CEP72: variants seen among roughly 807,000 people sequenced by gnomAD.
CEP72 encodes centrosomal protein 72, also known as centrosomal protein of 72 kDa.
Under a neutral mutation model 65.7 loss-of-function variants are expected in CEP72, and 78 were observed. The ratio of observed to expected loss-of-function variants is 1.19; its 90% CI spans 0.99 to 1.43. CEP72 has a LOEUF of 1.43. CEP72 is among the 40% of genes most tolerant of loss of function. The pLI, the probability that CEP72 is intolerant of heterozygous loss-of-function variation, is 0.00. For synonymous variants in CEP72, 358 were observed against 351.7 expected (o/e 1.02, Z -0.20); for missense variants, 914 against 832.9 (o/e 1.10, Z -1.20).
chr5:665,475 T>C, intron 3 of CEP72: 1 of 660,102 alleles, frequency 1.5e-6, no homozygotes, highest in Non-Finnish European at 2.5e-6. Context: ...TGGGGCAGCC[T>C]TGGGCCTGCG....
chr5:653,356 C>G lies in CEP72; in HGVS notation c.*203C>G. ...AAATGATATGATTACTCCAAGCCCT[C>G]TGCATGTTTTCAGACAGAACACATT... is the stretch of plus-strand genomic sequence containing the variant. On this transcript the variant is annotated 3_prime_UTR_variant, in exon 12 of 12. Coordinates refer to ENST00000264935, the MANE Select transcript of CEP72 (RefSeq NM_018140.4). The G allele has an allele frequency of 2.2e-6, 1 of 461,680 alleles. No homozygotes were observed. The allele number at this position is 461,680 out of a possible 1,614,324, so 28.6% of individuals were successfully genotyped here.
At position 664,781 on chromosome 5, in the gene CEP72, T is replaced by C. The variant is rs944036841; in HGVS notation, n.288-399T>C. 1.7e-5 allele frequency: 5 copies of C among 287,568 alleles called. No individual in the cohort carries two copies. In the Admixed American group the frequency reaches 2.4e-4, roughly 14 times the overall value. The allele number at this position is 287,568 out of a possible 1,614,324, so 17.8% of individuals were successfully genotyped here. A position where few individuals can be genotyped will look rare whatever the true frequency, so the allele number is the denominator to read the frequency against. ...GCCTCCTGTTGCCATGACAGCCAGC[T>C]GCTTTAAAACGCCCCTTTGACCTGC... On this transcript the variant is annotated intron_variant and non_coding_transcript_variant, in intron 2 of 4. Transcript: ENST00000514507.
At chr5:667,668 G>C (rs1463054783), downstream of CEP72, among the ~76,000 whole-genome samples, 5 of 152,162 alleles carry the variant, frequency 3.3e-5, no homozygotes, top group South Asian at 2.1e-4. Context: ...ACTTGTCTCT[G>C]AGATACACAA....
chr5:621,891 A>C (rs1470238976), intron 3 of CEP72, among the ~76,000 whole-genome samples: 1 of 152,204 alleles, frequency 6.6e-6, no homozygotes, highest in African/African-American at 2.4e-5. Context: ...CTCCTGCCGC[A>C]GCCTCCCAAG....
chr5:619,261 G>A (rs761610683), intron 2 of CEP72, 144 bp downstream of exon 2: 29 of 713,364 alleles, frequency 4.1e-5, no homozygotes, highest in Admixed American at 1.4e-4. Flanking sequence ...TGTGTTTACC[G>A]TGGGCTACAT....
rs1283484612 is a variant in CEP72, at chr5:624,560, G to T, written c.493G>T (p.Ala165Ser). 6.2e-7 allele frequency: 1 copy of T among 1,612,124 alleles called. No homozygotes were observed. The highest frequency in any genetic ancestry group is 8.5e-7 in the Non-Finnish European group (1 of 1,178,252). ...ACTCGACTCCAAAGAGAGCGTCCCA[G>T]CTTCTTTGAAAGAGGGCAGGTATGA... Reference protein sequence around the residue: ...DSLDSKESVPASLKEGRPHHP... With the variant: ...DSLDSKESVPSSLKEGRPHHP... Residue 165 changes from alanine to serine, a missense_variant, in exon 4 of 12, where the codon GCT becomes TCT. Ala to Ser is a moderately conservative substitution (Grantham distance 99, BLOSUM62 1). Coordinates refer to ENST00000264935, the MANE Select transcript of CEP72 (RefSeq NM_018140.4). This position sits in a 1 kb window ranked among gnomAD's most constrained non-coding sequence, Gnocchi z 4.7.
At chr5:667,572 C>A (rs554081619), downstream of CEP72, among the ~76,000 whole-genome samples, 1 of 151,800 alleles carries the variant, frequency 6.6e-6, no homozygotes, top group East Asian at 1.9e-4. Context: ...TAGACTTCAT[C>A]AAAACGTTCG....
intron 4 of CEP72, among the ~76,000 whole-genome samples, chr5:666,558 G>A (rs1739923786): frequency 6.6e-6 from 1 of 152,202 alleles, no homozygotes; most frequent in South Asian, 2.1e-4. Flanking sequence ...ATGGTTAGGA[G>A]GGGCTGCCGC....
intron 4 of CEP72, 94 bp from the exon 5 acceptor site, chr5:633,673 TCA>T: frequency 8.2e-7 from 1 of 1,221,498 alleles, no homozygotes; most frequent in Non-Finnish European, 1.2e-6. Flanking sequence ...GCTGCTTCTC[TCA>T]GAGACCGTGC....
chr5:620,131 G>T lies in CEP72; in HGVS notation c.273G>T (p.Leu91Phe). Residue 91 changes from leucine to phenylalanine, a missense_variant, in exon 3 of 12, where the codon TTG becomes TTT. Leu to Phe is a conservative substitution (Grantham distance 22). Transcript: ENST00000264935. ...TCTACTACAACTGCATCTCCTCGTTGGCAGAAGTGTTTCGGCTCCACGCCT... is the reference window on the plus strand; with the variant it reads ...TCTACTACAACTGCATCTCCTCGTTTGCAGAAGTGTTTCGGCTCCACGCCT... ...LNLYYNCISS[L>F]AEVFRLHALT... The T allele has an allele frequency of 6.2e-7, 1 of 1,614,172 alleles. No homozygotes were observed. The highest frequency in any genetic ancestry group is 2.2e-5 in the East Asian group (1 of 44,880).
chr5:612,626 AGGTGCGGCC>A, intron 1 of CEP72, 183 bp downstream of exon 1: 1 of 985,310 alleles, frequency 1.0e-6, no homozygotes, highest in Non-Finnish European at 1.2e-6. Flanking sequence ...CCCCGTGCCC[AGGTGCGGCC>A]CCTGCCCGCG....
At chr5:639,283 T>C in intron 8 of CEP72, 59 bp downstream of exon 8, 1 of 1,508,668 alleles carries the variant, frequency 6.6e-7, no homozygotes. Context: ...GGTTCCGGGG[T>C]CCTCTGCGTG....
rs1246530801 is a variant in CEP72, at chr5:623,047, A to C, written c.404-1424A>C. Among the ~76,000 whole-genome samples the C allele has an allele frequency of 6.6e-6, 1 of 152,038 alleles. No individual in the cohort carries two copies. The highest frequency in any genetic ancestry group is 2.4e-5 in the African/African-American group (1 of 41,358). On this transcript the variant is annotated intron_variant, in intron 3 of 11. Transcript: ENST00000264935. The surrounding 1 kb of genome is among the most constrained non-coding windows in gnomAD (Gnocchi z 5.3). ...CTCCCCTCTTAGTGTTTCTGTAGAG[A>C]AGGAGCGCGGCCGTCTCCCTCTTAG...
Position 624,596 on chromosome 5 carries a change from T to C in CEP72, c.512+17T>C. ...AGAGGGCAGGTATGAACGGAAGTGC[T>C]ACGGACACCCAGAGTGTTTCTGACT... On this transcript the variant is annotated intron_variant, in intron 4 of 11. Transcript: ENST00000264935. The surrounding 1 kb of genome is among the most constrained non-coding windows in gnomAD (Gnocchi z 4.7). 1 of 1,531,914 alleles carries C rather than the reference T, an allele frequency of 6.5e-7. No homozygotes were observed. The highest frequency in any genetic ancestry group is 9.0e-7 in the Non-Finnish European group (1 of 1,105,032). The allele number at this position is 1,531,914 out of a possible 1,614,324, so 94.9% of individuals were successfully genotyped here.
chr5:659,514 A>AT (rs1010941568), downstream of CEP72, among the ~76,000 whole-genome samples: 6 of 152,182 alleles, frequency 3.9e-5, 1 homozygote, highest in South Asian at 4.1e-4. Context: ...TCAGGTTGGC[A>AT]TTTTTTTTAT....
downstream of CEP72, among the ~76,000 whole-genome samples, chr5:671,805 A>G (rs1740232887): frequency 6.6e-6 from 1 of 152,184 alleles, no homozygotes; most frequent in African/African-American, 2.4e-5. Context: ...AGGGCTCCAG[A>G]GCCGCCGAGT....
Position 622,181 on chromosome 5 carries a change from GTAGGT to G in CEP72, c.403+1924_403+1928del, listed in dbSNP as rs534536059. Among the ~76,000 whole-genome samples, 143 of 152,378 alleles carry G rather than the reference GTAGGT, an allele frequency of 9.4e-4. 1 individual carries two copies. Among genetic ancestry groups the G allele is most frequent in the Middle Eastern group, 3.4e-3 (1 of 294 alleles). The stretch of plus-strand genomic sequence containing the variant: ...CACACACCCTCTGTTTGGTGACAGT[GTAGGT>G]TAGTGGTATGGATTGAAATCTGTTT... On this transcript the variant is annotated intron_variant, in intron 3 of 11. Coordinates refer to ENST00000264935, the MANE Select transcript of CEP72 (RefSeq NM_018140.4).
chr5:616,116 A>T (rs971850457), intron 1 of CEP72, among the ~76,000 whole-genome samples: 1 of 152,090 alleles, frequency 6.6e-6, no homozygotes, highest in Non-Finnish European at 1.5e-5. Flanking sequence ...TTTTTTCTTC[A>T]TTCCACGATG....
chr5:664,945 A>T, intron 2 of CEP72: 1 of 774,972 alleles, frequency 1.3e-6, no homozygotes, highest in Non-Finnish European at 2.0e-6. Flanking sequence ...CGGTAGGAGG[A>T]GGGGCAGGAG....
Sources: allele counts gnomAD v4.1 joint callset (sites outside exome capture counted in the v4.1 genomes callset), GRCh38; gene constraint gnomAD v4.1.1; non-coding constraint Gnocchi (gnomAD v3.1); transcripts MANE v1.5; gene names NCBI Gene and HGNC (gene_info 2026-07-23, HGNC 2026-07-21).